The following MGAT4C variants were observed in gnomAD, a reference collection of about 807,000 sequenced individuals.
The protein encoded by MGAT4C is alpha-1,3-mannosyl-glycoprotein 4-beta-N-acetylglucosaminyltransferase C.
Under a neutral mutation model 40.1 loss-of-function variants are expected in MGAT4C, and 19 were observed. The ratio of observed to expected loss-of-function variants is 0.47; its 90% CI spans 0.33 to 0.70. MGAT4C has a LOEUF of 0.70. Ranked by LOEUF, MGAT4C falls within the 30% of genes least tolerant of loss-of-function variation. The pLI is 0.02. For synonymous variants in MGAT4C, 181 were observed against 187.1 expected, an observed-to-expected ratio of 0.97 and a Z score of 0.27; for missense variants, 491 against 563.2, an observed-to-expected ratio of 0.87 and a Z score of 1.30.
At chr12:86,521,163 G>A (rs1958788094) in intron 2 of MGAT4C, among the ~76,000 whole-genome samples, 1 of 152,080 alleles carries the variant, frequency 6.6e-6, no homozygotes, top group Admixed American at 6.6e-5. Flanking sequence ...GCCCAAAATG[G>A]TATTGCCTAG....
chr12:86,815,900 T>A (rs1952595152), intron 1 of MGAT4C, among the ~76,000 whole-genome samples: 1 of 151,806 alleles, frequency 6.6e-6, no homozygotes, highest in African/African-American at 2.4e-5. Flanking sequence ...GAGCAGTGTA[T>A]ACTCCTTAGG....
chr12:86,417,110 C>A (rs374353144), intron 3 of MGAT4C, among the ~76,000 whole-genome samples: 2 of 152,060 alleles, frequency 1.3e-5, no homozygotes, highest in African/African-American at 4.8e-5. Flanking sequence ...CACCAACAGT[C>A]TGCATCGGTC....
At chr12:86,263,476 A>G (rs1952707021) in intron 4 of MGAT4C, among the ~76,000 whole-genome samples, 1 of 152,096 alleles carries the variant, frequency 6.6e-6, no homozygotes, top group Non-Finnish European at 1.5e-5. Context: ...ATGTCCTCCA[A>G]TTTTGTCCAT....
Position 86,414,078 on chromosome 12 carries a change from T to C in MGAT4C, c.-120+21079A>G, listed in dbSNP as rs73187481. 8.2e-3 allele frequency among the ~76,000 whole-genome samples: 1,255 copies of C among 152,204 alleles called. 9 individuals carry two copies. Among genetic ancestry groups the C allele is most frequent in the Non-Finnish European group, 0.013 (917 of 68,000 alleles). On this transcript the variant is annotated intron_variant, in intron 3 of 7. Transcript: ENST00000548651. ...AAATGCTTACAGCAAGTTTTTTTTTTCTGCAAGTACATGAAAAGCAACTTG... is the reference window on the plus strand; with the variant it reads ...AAATGCTTACAGCAAGTTTTTTTTTCCTGCAAGTACATGAAAAGCAACTTG...
chr12:86,246,926 A>C (rs1255044811), intron 1 of MGAT4C, among the ~76,000 whole-genome samples: 2 of 152,114 alleles, frequency 1.3e-5, no homozygotes, highest in Non-Finnish European at 2.9e-5. Context: ...GACTTTCTGC[A>C]CCCTTTCATA....
At chr12:86,560,368 C>T (rs903196938) in intron 2 of MGAT4C, among the ~76,000 whole-genome samples, 3 of 151,848 alleles carry the variant, frequency 2.0e-5, no homozygotes, top group Admixed American at 2.0e-4. Context: ...CCCTCATGAA[C>T]ATAGATGCCA....
At chr12:86,822,493 A>G (rs1303592802) in intron 1 of MGAT4C, among the ~76,000 whole-genome samples, 2 of 151,148 alleles carry the variant, frequency 1.3e-5, no homozygotes, top group Non-Finnish European at 3.0e-5. Flanking sequence ...AAGTGGATGA[A>G]AAAAAGATAC....
intron 2 of MGAT4C, among the ~76,000 whole-genome samples, chr12:86,007,979 T>C (rs994382883): frequency 6.6e-6 from 1 of 151,918 alleles, no homozygotes; most frequent in African/African-American, 2.4e-5. Flanking sequence ...GTTGGATATA[T>C]ATGTGTGGTT....
intron 2 of MGAT4C, among the ~76,000 whole-genome samples, chr12:86,036,432 TATG>T (rs374675622): frequency 1.3e-4 from 19 of 149,850 alleles, no homozygotes; most frequent in East Asian, 1.2e-3. Flanking sequence ...GCCCATTCAG[TATG>T]ATATTAGCTG....
chr12:86,047,403 G>T (rs1011616738), intron 2 of MGAT4C, among the ~76,000 whole-genome samples: 1 of 152,050 alleles, frequency 6.6e-6, no homozygotes, highest in Non-Finnish European at 1.5e-5. Context: ...TACATTATAA[G>T]AATCTTTCAT....
At chr12:86,488,057 T>C (rs1003867328) in intron 2 of MGAT4C, among the ~76,000 whole-genome samples, 5 of 152,048 alleles carry the variant, frequency 3.3e-5, no homozygotes, top group African/African-American at 1.2e-4. Flanking sequence ...CTGCCTGAAA[T>C]CAGTGGTAAC....
At chr12:86,411,672 G>A (rs933001343) in intron 3 of MGAT4C, among the ~76,000 whole-genome samples, 4 of 152,188 alleles carry the variant, frequency 2.6e-5, no homozygotes, top group Non-Finnish European at 4.4e-5. Context: ...GCCTGGCCAT[G>A]TAGTAGAAAA....
At chr12:86,184,761 A>AAAAC (rs1888555414) in intron 1 of MGAT4C, among the ~76,000 whole-genome samples, 1 of 150,844 alleles carries the variant, frequency 6.6e-6, no homozygotes, top group Admixed American at 6.6e-5. Flanking sequence ...AAAAAAAAAA[A>AAAAC]AAACTATGGG....
In MGAT4C at chr12:86,038,749, G is replaced by T. The variant is rs1378692283; in HGVS notation, c.-7+10925C>A. ...CCCATTTACATTTAAGGTTAATATT[G>T]TTATGTGAGTTTGATCCTGCCTTTA... On this transcript the variant is annotated intron_variant, in intron 2 of 4. Coordinates refer to ENST00000611864, the MANE Select transcript of MGAT4C (RefSeq NM_001351288.2). 5.3e-5 allele frequency among the ~76,000 whole-genome samples: 8 copies of T among 149,658 alleles called. 3 individuals carry two copies. Among genetic ancestry groups the T allele is most frequent in the Non-Finnish European group, 1.2e-4 (8 of 66,806 alleles).
rs571821867 is a variant in MGAT4C at position 86,704,410 on chromosome 12, G to GA, written c.-229+22798dup. Among the ~76,000 whole-genome samples, 281 of 148,230 alleles carry GA rather than the reference G, an allele frequency of 1.9e-3. 2 individuals carry two copies. Among genetic ancestry groups the GA allele is most frequent in the African/African-American group, 6.3e-3 (253 of 40,454 alleles). On this transcript the variant is annotated intron_variant, in intron 2 of 7. Coordinates refer to the MGAT4C transcript ENST00000548651. ...ATTGGAAAGAGGTCTTTTTACGATGGAAAAAAAAACATATACATGTTTACT... is the reference window on the plus strand; with the variant it reads ...ATTGGAAAGAGGTCTTTTTACGATGGAAAAAAAAAACATATACATGTTTACT...
intron 1 of MGAT4C, among the ~76,000 whole-genome samples, chr12:86,084,985 G>T: frequency 6.6e-6 from 1 of 152,054 alleles, no homozygotes; most frequent in East Asian, 1.9e-4. Context: ...GGGTCTGATA[G>T]ACGTTGGTTA....
intron 2 of MGAT4C, among the ~76,000 whole-genome samples, chr12:86,471,369 T>C (rs1957755674): frequency 6.6e-6 from 1 of 152,040 alleles, no homozygotes; most frequent in Non-Finnish European, 1.5e-5. Context: ...AAATGATGTA[T>C]GGGACTATAA....
intron 2 of MGAT4C, among the ~76,000 whole-genome samples, chr12:86,545,345 A>C (rs1432308971): frequency 1.3e-5 from 2 of 152,054 alleles, no homozygotes; most frequent in Non-Finnish European, 2.9e-5. Flanking sequence ...AAAATGCTTA[A>C]TATGAAATGG....
intron 3 of MGAT4C, among the ~76,000 whole-genome samples, chr12:86,385,332 C>T (rs1372638385): frequency 6.6e-6 from 1 of 152,000 alleles, no homozygotes; most frequent in Non-Finnish European, 1.5e-5. Context: ...AGGATAAATC[C>T]TATTCCTCTT....
Sources: gnomAD v4.1 joint callset for allele counts (sites outside exome capture counted in the v4.1 genomes callset) on GRCh38, gnomAD v4.1.1 for gene constraint, MANE v1.5 for transcripts, NCBI Gene and HGNC (gene_info 2026-07-23, HGNC 2026-07-21) for gene names.